ATP9B: variants seen among roughly 807,000 people sequenced by gnomAD.
ATP9B encodes ATPase phospholipid transporting 9B, also known as probable phospholipid-transporting ATPase IIB.
ATP9B carries 110 observed loss-of-function variants against 146.1 expected under a neutral mutation model. The observed-to-expected ratio is 0.75, with a 90% CI of 0.65 to 0.88. The LOEUF is 0.88. Ranked by LOEUF, ATP9B falls within the 40% of genes least tolerant of loss-of-function variation. ATP9B has a pLI of 0.00. For synonymous variants in ATP9B, 604 were observed against 569.7 expected (o/e 1.06, Z -0.86); for missense variants, 1,499 against 1,496.4 (o/e 1.00, Z -0.03).
intron 11 of ATP9B, among the ~76,000 whole-genome samples, chr18:79,232,783 C>G (rs1287781873): frequency 1.3e-5 from 2 of 151,954 alleles, no homozygotes; most frequent in Non-Finnish European, 2.9e-5. Flanking sequence ...AGATGGAAAC[C>G]CAAAGAATCA....
At chr18:79,110,852 A>T (rs577850200) in intron 3 of ATP9B, among the ~76,000 whole-genome samples, 3 of 152,214 alleles carry the variant, frequency 2.0e-5, no homozygotes, top group Non-Finnish European at 4.4e-5. Flanking sequence ...TTGTCTGGGA[A>T]CTAGTTTGGA....
intron 20 of ATP9B, among the ~76,000 whole-genome samples, chr18:79,342,750 A>G (rs2096866343): frequency 6.6e-6 from 1 of 152,158 alleles, no homozygotes; most frequent in South Asian, 2.1e-4. Flanking sequence ...TGCTATTTTA[A>G]AAGAGGCATA....
intron 11 of ATP9B, among the ~76,000 whole-genome samples, chr18:79,249,339 T>A (rs891862027): frequency 2.0e-5 from 3 of 152,204 alleles, no homozygotes; most frequent in Admixed American, 2.0e-4. Context: ...ATGCACAAAT[T>A]TTCCCTTGGA....
At chr18:79,359,058 G>T (rs573059739) in intron 25 of ATP9B, among the ~76,000 whole-genome samples, 1 of 152,058 alleles carries the variant, frequency 6.6e-6, no homozygotes, top group Non-Finnish European at 1.5e-5. Context: ...ATAAGATCTC[G>T]GTGCTATTCC....
chr18:79,194,938 T>C (rs1010009088), intron 9 of ATP9B, among the ~76,000 whole-genome samples: 1 of 152,164 alleles, frequency 6.6e-6, no homozygotes, highest in Non-Finnish European at 1.5e-5. Context: ...TTTGGGACAT[T>C]GAAGGGACTT....
chr18:79,215,369 G>T (rs1206267611), intron 11 of ATP9B, among the ~76,000 whole-genome samples: 1 of 152,106 alleles, frequency 6.6e-6, no homozygotes, highest in African/African-American at 2.4e-5. Flanking sequence ...TGCACACGGA[G>T]AATCCAGTGT....
At chr18:79,268,224 A>T (rs917453177) in intron 12 of ATP9B, among the ~76,000 whole-genome samples, 1 of 151,892 alleles carries the variant, frequency 6.6e-6, no homozygotes, top group Non-Finnish European at 1.5e-5. Context: ...ACTTCTCTGT[A>T]TATTTATTTT....
intron 13 of ATP9B, among the ~76,000 whole-genome samples, chr18:79,278,976 G>T (rs1277421302): frequency 2.0e-5 from 3 of 152,220 alleles, no homozygotes; most frequent in African/African-American, 7.2e-5. Flanking sequence ...GCAGACCAAA[G>T]TTGCCAGTGG....
chr18:79,228,495 A>G (rs773137602), intron 11 of ATP9B, among the ~76,000 whole-genome samples: 6 of 152,190 alleles, frequency 3.9e-5, no homozygotes, highest in Non-Finnish European at 8.8e-5. Flanking sequence ...GTTTAAGGTG[A>G]TCGCCTGTTG....
chr18:79,261,168 G>T (rs938704803), intron 12 of ATP9B, among the ~76,000 whole-genome samples: 2 of 152,118 alleles, frequency 1.3e-5, no homozygotes, highest in African/African-American at 4.8e-5. Context: ...AGACATTAGG[G>T]ATATTGGGAT....
intron 15 of ATP9B, among the ~76,000 whole-genome samples, chr18:79,311,755 A>G (rs1180945158): frequency 6.6e-6 from 1 of 152,152 alleles, no homozygotes; most frequent in East Asian, 1.9e-4. Context: ...TCTGCGGATC[A>G]CAGGTTGGCT....
At chr18:79,120,045 G>A (rs895106326) in intron 4 of ATP9B, among the ~76,000 whole-genome samples, 2 of 152,190 alleles carry the variant, frequency 1.3e-5, no homozygotes, top group Non-Finnish European at 2.9e-5. Context: ...TTGAAAATAT[G>A]TATAGGTGTC....
At position 79,239,411 on chromosome 18, in the gene ATP9B, C is replaced by A. The variant is rs1315990092; in HGVS notation, c.1108-13970C>A. 6.6e-6 allele frequency among the ~76,000 whole-genome samples: 1 copy of A among 152,194 alleles called. No homozygotes were observed. Among genetic ancestry groups the A allele is most frequent in the Non-Finnish European group, 1.5e-5 (1 of 68,034 alleles). ...CTGTGAGCCCACCCATGGAGGTACACAAACCATCCTCATAAAACCAAGCCC... is the reference window on the plus strand; with the variant it reads ...CTGTGAGCCCACCCATGGAGGTACAAAAACCATCCTCATAAAACCAAGCCC... On this transcript the variant is annotated intron_variant, in intron 11 of 29. Coordinates refer to ENST00000426216, the MANE Select transcript of ATP9B (RefSeq NM_198531.5). This position sits in a 1 kb window ranked among gnomAD's most constrained non-coding sequence, Gnocchi z 5.1.
rs1170051583 is a variant in ATP9B, at chr18:79,081,982, G to T, written c.119+12453G>T. On this transcript the variant is annotated intron_variant, in intron 1 of 29. Transcript: ENST00000426216. ...TTGCTAGGTTGGGGAAGTTCTCCCG[G>T]ATAATATCCTGCAGAGTGTTTTCCA... 2.6e-5 allele frequency among the ~76,000 whole-genome samples: 4 copies of T among 152,098 alleles called. No homozygotes were observed. In the East Asian group the frequency reaches 7.7e-4, roughly 29 times the overall value.
At chr18:79,325,276 C>T (rs945899079) in intron 15 of ATP9B, among the ~76,000 whole-genome samples, 4 of 152,112 alleles carry the variant, frequency 2.6e-5, no homozygotes, top group African/African-American at 9.7e-5. Flanking sequence ...CTGACTCTCC[C>T]ATCTCTTATG....
intron 18 of ATP9B, 137 bp downstream of exon 18, chr18:79,336,848 G>T: frequency 2.4e-6 from 2 of 823,806 alleles, no homozygotes; most frequent in Non-Finnish European, 3.9e-6. Flanking sequence ...CTCAGCAGGA[G>T]CATGGGGTGA....
chr18:79,118,390 G>GGTTTTTTTTTTTTTTTTTTTTTTTTTTT lies in ATP9B; in HGVS notation c.558+5036_558+5037insGTTTTTTTTTTTTTTTTTTTTTTTTTTT, dbSNP rs1555689295. ...AAACACAATCATATTGAACGTTTTT[G>GGTTTTTTTTTTTTTTTTTTTTTTTTTTT]TTTTTTTTTTTTTTTTTTTTTTTTT... On this transcript the variant is annotated intron_variant, in intron 4 of 29. Transcript: ENST00000426216. Among the ~76,000 whole-genome samples, 4 of 93,238 alleles carry GGTTTTTTTTTTTTTTTTTTTTTTTTTTT rather than the reference G, an allele frequency of 4.3e-5. 1 individual carries two copies. Among genetic ancestry groups the GGTTTTTTTTTTTTTTTTTTTTTTTTTTT allele is most frequent in the Non-Finnish European group, 6.5e-5 (3 of 46,064 alleles). 61.2% of individuals were successfully genotyped at this position (93,238 alleles called of 152,430 possible). A position where few individuals can be genotyped will look rare whatever the true frequency, so the allele number is the denominator to read the frequency against.
rs1483353166 is a variant in ATP9B, at chr18:79,327,909, C to T, written c.1774-1232C>T. Reference sequence around the variant, plus strand: ...TGCTCTCCGTGGTTAGCGTGCTCTCCGTGGGTAGCGTGCTCTCTCTGGTTA... The same window carrying T: ...TGCTCTCCGTGGTTAGCGTGCTCTCTGTGGGTAGCGTGCTCTCTCTGGTTA... On this transcript the variant is annotated intron_variant, in intron 15 of 29. Coordinates refer to ENST00000426216, the MANE Select transcript of ATP9B (RefSeq NM_198531.5). 2.4e-4 allele frequency among the ~76,000 whole-genome samples: 28 copies of T among 116,932 alleles called. 1 individual carries two copies. The highest frequency in any genetic ancestry group is 6.5e-4 in the African/African-American group (19 of 29,014). The allele number at this position is 116,932 out of a possible 152,430, so 76.7% of individuals were successfully genotyped here. A position where few individuals can be genotyped will look rare whatever the true frequency, so the allele number is the denominator to read the frequency against.
intron 8 of ATP9B, among the ~76,000 whole-genome samples, chr18:79,182,033 C>T (rs1211228708): frequency 6.6e-6 from 1 of 152,114 alleles, no homozygotes; most frequent in African/African-American, 2.4e-5. Flanking sequence ...TAAAGCATCT[C>T]GATCTTTATT....
Sources: allele counts gnomAD v4.1 joint callset (sites outside exome capture counted in the v4.1 genomes callset), GRCh38; gene constraint gnomAD v4.1.1; non-coding constraint Gnocchi (gnomAD v3.1); transcripts MANE v1.5; gene names NCBI Gene and HGNC (gene_info 2026-07-23, HGNC 2026-07-21).